Variants in EVI5 observed in about 807,000 individuals in gnomAD.
The protein encoded by EVI5 is ecotropic viral integration site 5 protein homolog.
Under a neutral mutation model 112.0 loss-of-function variants are expected in EVI5, and 73 were observed. That is an observed-to-expected ratio of 0.65 (90% CI 0.54 to 0.79). The LOEUF (loss-of-function observed/expected upper bound fraction) is 0.79. Ranked by LOEUF, EVI5 falls within the 30% of genes least tolerant of loss-of-function variation. The pLI is 0.00. For missense variants in EVI5, 900 were observed against 968.8 expected (o/e 0.93, Z 0.94); for synonymous variants, 305 against 319.9 (o/e 0.95, Z 0.50).
In EVI5 at chr1:92,601,816, G is replaced by A. The variant is rs59590952; in HGVS notation, c.2070+3491C>T. Among the ~76,000 whole-genome samples, 1,422 of 152,208 alleles carry A rather than the reference G, an allele frequency of 9.3e-3. 18 individuals carry two copies. Among genetic ancestry groups the A allele is most frequent in the African/African-American group, 0.032 (1,339 of 41,524 alleles). ...TTTAAACAAAAATCCTGCATACCAG[G>A]TTCTTCGTTTTAATAAATATTTCAG... On this transcript the variant is annotated intron_variant, in intron 18 of 19. Coordinates refer to ENST00000684568, the MANE Select transcript of EVI5 (RefSeq NM_001350197.2).
chr1:92,725,191 T>C (rs1675377922), intron 2 of EVI5, among the ~76,000 whole-genome samples: 1 of 152,082 alleles, frequency 6.6e-6, no homozygotes, highest in Non-Finnish European at 1.5e-5. Flanking sequence ...AAGGAAACTA[T>C]CCATGGCCAG....
At chr1:92,521,988 T>C (rs981443017) in intron 19 of EVI5, among the ~76,000 whole-genome samples, 16 of 152,232 alleles carry the variant, frequency 1.1e-4, no homozygotes, top group African/African-American at 2.4e-4. Context: ...TCTAACCTTA[T>C]TGACTTTTCA....
intron 19 of EVI5, among the ~76,000 whole-genome samples, chr1:92,514,913 T>C (rs892653273): frequency 6.6e-6 from 1 of 152,216 alleles, no homozygotes; most frequent in African/African-American, 2.4e-5. Context: ...CCTGTTATAA[T>C]AGCCCAAAGG....
At chr1:92,778,595 T>C (rs1006076657) in intron 1 of EVI5, among the ~76,000 whole-genome samples, 1 of 152,152 alleles carries the variant, frequency 6.6e-6, no homozygotes, top group East Asian at 1.9e-4. Context: ...AGATACTCTC[T>C]GGAAAATATG....
At chr1:92,767,248 T>G (rs975194946) in intron 1 of EVI5, among the ~76,000 whole-genome samples, 1 of 152,220 alleles carries the variant, frequency 6.6e-6, no homozygotes, top group African/African-American at 2.4e-5. Flanking sequence ...TCCACTATTG[T>G]TGCTGTATGA....
intron 1 of EVI5, among the ~76,000 whole-genome samples, chr1:92,767,766 A>G (rs35705463): frequency 0.21 from 32,359 of 152,134 alleles, 3,867 homozygotes; most frequent in Non-Finnish European, 0.26. Flanking sequence ...CATTCCAGGA[A>G]ATTTATACAG....
intron 4 of EVI5, among the ~76,000 whole-genome samples, chr1:92,703,177 A>C (rs74101326): frequency 0.012 from 1,892 of 152,202 alleles, 38 homozygotes; most frequent in African/African-American, 0.043. Context: ...TTCCATTTCC[A>C]TCAACTAATG....
At chr1:92,665,798 AT>A (rs1245910367) in intron 11 of EVI5, 140 bp downstream of exon 11, 1 of 525,676 alleles carries the variant, frequency 1.9e-6, no homozygotes, top group Non-Finnish European at 3.3e-6. Flanking sequence ...ATCTGGCTAA[AT>A]AAATAGTAAG....
chr1:92,748,832 C>A (rs761486470), intron 1 of EVI5, among the ~76,000 whole-genome samples: 1 of 151,884 alleles, frequency 6.6e-6, no homozygotes, highest in Non-Finnish European at 1.5e-5. Context: ...TCTGGGAGGC[C>A]GATGCGGGCA....
In EVI5 at chr1:92,736,482, G is replaced by T; in HGVS notation, c.65C>A (p.Ser22Ter). The change falls in exon 2 of 20, where the codon TCA becomes TAA. Residue 22 changes from serine to a stop codon, truncating the protein, a stop_gained. Coordinates refer to ENST00000684568, the MANE Select transcript of EVI5 (RefSeq NM_001350197.2). LOFTEE classifies it high-confidence loss of function. Reference sequence around the variant, plus strand: ...GGAAGATGGTGAAAGGGCTGGTGTTGATAGTGTGGTAGATGAGGATGTGGT... The same window carrying T: ...GGAAGATGGTGAAAGGGCTGGTGTTTATAGTGTGGTAGATGAGGATGTGGT... Reference protein sequence around the residue: ...LHTTSSSTTLSTPALSPSSPS... With the variant: ...LHTTSSSTTL The T allele has an allele frequency of 6.2e-7, 1 of 1,613,996 alleles. No homozygotes were observed.
Position 92,510,844 on chromosome 1 carries a change from C to T in EVI5, c.*2812G>A, listed in dbSNP as rs200688938. The T allele has an allele frequency of 3.9e-5, 6 of 152,192 alleles. No homozygotes were observed. The highest frequency in any genetic ancestry group is 7.3e-5 in the Non-Finnish European group (5 of 68,050). The allele number at this position is 152,192 out of a possible 1,614,324, so 9.4% of individuals were successfully genotyped here. A position where few individuals can be genotyped will look rare whatever the true frequency, so the allele number is the denominator to read the frequency against. On this transcript the variant is annotated 3_prime_UTR_variant, in exon 20 of 20. Coordinates refer to ENST00000684568, the MANE Select transcript of EVI5 (RefSeq NM_001350197.2). ...AACTATTTAAAAAAGTAAAAACTGG[C>T]AGCTGACTGCAATAGCTTGTAGGCT...
intron 1 of EVI5, among the ~76,000 whole-genome samples, chr1:92,778,249 A>T (rs751233344): frequency 6.6e-6 from 1 of 152,122 alleles, no homozygotes; most frequent in Non-Finnish European, 1.5e-5. Flanking sequence ...ACAACTAAGA[A>T]CAAACCGGTT....
intron 10 of EVI5, among the ~76,000 whole-genome samples, chr1:92,666,471 G>C (rs1255250938): frequency 1.4e-5 from 2 of 140,282 alleles, no homozygotes; most frequent in East Asian, 4.2e-4. Flanking sequence ...GGGAGGTGGG[G>C]GCTGAGGTGG....
chr1:92,712,472 C>T (rs1410531216), intron 2 of EVI5, among the ~76,000 whole-genome samples: 2 of 152,048 alleles, frequency 1.3e-5, no homozygotes, highest in Non-Finnish European at 2.9e-5. Flanking sequence ...GCCTAGCCGA[C>T]TTCAGTCTTA....
At chr1:92,561,716 C>G (rs1260479984) in intron 19 of EVI5, among the ~76,000 whole-genome samples, 2 of 152,006 alleles carry the variant, frequency 1.3e-5, no homozygotes, top group Non-Finnish European at 2.9e-5. Context: ...CAGCTCACTG[C>G]AACCTCCGCC....
chr1:92,525,568 C>T (rs1661735689), intron 19 of EVI5, among the ~76,000 whole-genome samples: 2 of 152,106 alleles, frequency 1.3e-5, no homozygotes, highest in Non-Finnish European at 2.9e-5. Flanking sequence ...TGCACCCGGC[C>T]AACAATGCTA....
intron 1 of EVI5, among the ~76,000 whole-genome samples, chr1:92,759,859 T>C (rs6691772): frequency 0.78 from 95,058 of 122,092 alleles, 34,763 homozygotes; most frequent in East Asian, 0.94. Flanking sequence ...ACAAATACCC[T>C]CCCCCCCACA....
intron 13 of EVI5, among the ~76,000 whole-genome samples, chr1:92,659,225 T>A (rs1663552309): frequency 6.6e-6 from 1 of 151,792 alleles, no homozygotes; most frequent in African/African-American, 2.4e-5. Context: ...CAAAAGCAAA[T>A]GCAACAAAAA....
Position 92,677,004 on chromosome 1 carries a change from G to A in EVI5, c.1158+154C>T, listed in dbSNP as rs12127950. On this transcript the variant is annotated intron_variant, in intron 10 of 19. Transcript: ENST00000684568. ...TACTGGAATGAAAGCCACTTCAGTC[G>A]CATTATTCTGCTTTTTTGAAATGTC... is the stretch of plus-strand genomic sequence containing the variant. Among the ~76,000 whole-genome samples, 3,486 of 152,178 alleles carry A rather than the reference G, an allele frequency of 0.023. 65 individuals are homozygous for A. The highest frequency in any genetic ancestry group is 0.037 in the Non-Finnish European group (2,498 of 67,990).
Sources: gnomAD v4.1 joint callset for allele counts (sites outside exome capture counted in the v4.1 genomes callset) on GRCh38, gnomAD v4.1.1 for gene constraint, MANE v1.5 for transcripts, NCBI Gene and HGNC (gene_info 2026-07-23, HGNC 2026-07-21) for gene names.